SEPTIN6: variants seen among roughly 807,000 people sequenced by gnomAD.
The protein encoded by SEPTIN6 is septin-6.
A neutral mutation model predicts 33.6 loss-of-function variants in SEPTIN6; 8 were observed. That is an observed-to-expected ratio of 0.24 (90% CI 0.14 to 0.43). SEPTIN6 has a LOEUF of 0.43. Ranked by LOEUF, SEPTIN6 falls within the 20% of genes least tolerant of loss-of-function variation. SEPTIN6 has a pLI of 1.00. For missense variants in SEPTIN6, 250 were observed against 340.8 expected (o/e 0.73, Z 2.10); for synonymous variants, 131 against 140.0 (o/e 0.94, Z 0.45).
chrX:119,618,665 C>T lies in SEPTIN6; in HGVS notation c.*1428G>A. 1 of 1,176,066 alleles carries T rather than the reference C, an allele frequency of 8.5e-7. No homozygotes were observed. Among genetic ancestry groups the T allele is most frequent in the South Asian group, 2.0e-5 (1 of 50,491 alleles). On this transcript the variant is annotated 3_prime_UTR_variant, in exon 11 of 11. Transcript: ENST00000394610. ...TACATGGCAGGATAGGGGTGGGGGG[C>T]CTCGCTGCCTGGCACCCCAAAGGAA... is the stretch of plus-strand genomic sequence containing the variant.
chrX:119,682,118 T>C (rs2054971651), intron 1 of SEPTIN6, among the ~76,000 whole-genome samples: 2 of 111,512 alleles, frequency 1.8e-5, no homozygotes, highest in East Asian at 2.8e-4. Context: ...AGAAGCCCTG[T>C]AGATGTGTAT....
intron 10 of SEPTIN6, among the ~76,000 whole-genome samples, chrX:119,620,696 C>CTGCAACCTCCATCT (rs762795057): frequency 0.047 from 5,207 of 109,850 alleles, 149 homozygotes; most frequent in Non-Finnish European, 0.073. Context: ...TCTTGGCTCA[C>CTGCAACCTCCATCT]TGCAACCTCC....
At chrX:119,620,165 C>T in intron 10 of SEPTIN6, 114 bp from the exon 11 acceptor site, 1 of 593,924 alleles carries the variant, frequency 1.7e-6, no homozygotes, top group Non-Finnish European at 2.7e-6. Flanking sequence ...TAGAATATAG[C>T]TATGTTAGAT....
intron 10 of SEPTIN6, 50 bp from the exon 11 acceptor site, chrX:119,620,101 C>CAA: frequency 4.2e-5 from 32 of 768,038 alleles, no homozygotes; most frequent in Middle Eastern, 3.6e-4. Context: ...ATTAATGTAC[C>CAA]AAAAAAAAAA....
At chrX:119,650,689 T>C (rs1247613427) in intron 4 of SEPTIN6, among the ~76,000 whole-genome samples, 2 of 111,143 alleles carry the variant, frequency 1.8e-5, no homozygotes, top group Non-Finnish European at 3.8e-5. Context: ...ACATGAGAGA[T>C]GGCAGGGAAA....
intron 10 of SEPTIN6, chrX:119,623,935 A>G (rs2053812247): frequency 1.2e-5 from 2 of 170,646 alleles, no homozygotes; most frequent in Non-Finnish European, 2.4e-5. Flanking sequence ...AGTAGAGGAG[A>G]TAGAAGGTCC....
intron 2 of SEPTIN6, among the ~76,000 whole-genome samples, chrX:119,667,709 A>T (rs1342136009): frequency 1.8e-5 from 2 of 109,233 alleles, no homozygotes; most frequent in Non-Finnish European, 3.8e-5. Context: ...TGTGAGGGGG[A>T]GGCACACGTG....
downstream of SEPTIN6, chrX:119,616,806 T>A: frequency 1.1e-5 from 12 of 1,101,264 alleles, no homozygotes; most frequent in Non-Finnish European, 1.5e-5. Context: ...ACATTCAAAG[T>A]AAGACAGGGG....
intron 3 of SEPTIN6, among the ~76,000 whole-genome samples, chrX:119,663,227 A>G (rs1157093943): frequency 6.3e-5 from 7 of 111,868 alleles, no homozygotes; most frequent in Non-Finnish European, 1.3e-4. Context: ...TGTTTGCTGC[A>G]TGGAATTGAG....
At chrX:119,691,143 G>T (rs2055166031) in intron 1 of SEPTIN6, among the ~76,000 whole-genome samples, 1 of 111,543 alleles carries the variant, frequency 9.0e-6, no homozygotes, top group Non-Finnish European at 1.9e-5. Flanking sequence ...TGGCCCTAAA[G>T]CACCCCCTCA....
At chrX:119,675,747 G>A (rs953408955) in intron 1 of SEPTIN6, 79 bp from the exon 2 acceptor site, 21 of 563,565 alleles carry the variant, frequency 3.7e-5, no homozygotes, top group African/African-American at 2.7e-4. Context: ...CCAAATGTTC[G>A]CTGTGCAAGG....
chrX:119,678,494 G>T (rs1186413938), intron 1 of SEPTIN6, among the ~76,000 whole-genome samples: 1 of 108,417 alleles, frequency 9.2e-6, no homozygotes, highest in Non-Finnish European at 1.9e-5. Context: ...CACCCAGCCT[G>T]GGCGACAGAG....
At chrX:119,635,924 C>A (rs922951462) in intron 7 of SEPTIN6, among the ~76,000 whole-genome samples, 1 of 111,085 alleles carries the variant, frequency 9.0e-6, no homozygotes, top group Non-Finnish European at 1.9e-5. Context: ...GTGAAGAAGG[C>A]GAAGACACAG....
At position 119,675,601 on chromosome X, in the gene SEPTIN6, A is replaced by G; in HGVS notation, c.98T>C (p.Val33Ala). ...GAAGCCCTGGCTGACGGACTTATTC[A>G]CCAGCTGGTCAGGCAAGCTGTCAAA... The part of the protein sequence containing the change: ...VGFDSLPDQL[V>A]NKSVSQGFCF... The change falls in exon 2 of 11, where the codon GTG (valine) becomes GCG (alanine). Residue 33 changes from valine (V) to alanine (A), a missense_variant. Val to Ala is a moderately conservative substitution (Grantham distance 64). Around this residue, in one of 2 missense-constraint regions of SEPTIN6, gnomAD observed 111 missense variants for 113.8 expected, o/e 0.98. Coordinates refer to ENST00000394610, the MANE Select transcript of SEPTIN6 (RefSeq NM_145799.4). The G allele has an allele frequency of 8.5e-7, 1 of 1,172,166 alleles. No homozygotes were observed. Among genetic ancestry groups the G allele is most frequent in the Non-Finnish European group, 1.1e-6 (1 of 872,268 alleles).
intron 5 of SEPTIN6, among the ~76,000 whole-genome samples, chrX:119,643,727 T>G (rs7880203): frequency 0.24 from 26,519 of 110,591 alleles, 2,395 homozygotes; most frequent in South Asian, 0.3. Context: ...CTGGGATACA[T>G]GGAGGTTAAA....
At chrX:119,663,404 C>T (rs962139336) in intron 3 of SEPTIN6, 78 bp downstream of exon 3, 61 of 895,233 alleles carry the variant, frequency 6.8e-5, no homozygotes, top group Non-Finnish European at 8.9e-5. Context: ...GTGCTGTCTT[C>T]AAGATCTCTG....
intron 3 of SEPTIN6, among the ~76,000 whole-genome samples, chrX:119,656,828 G>A (rs1603341634): frequency 1.8e-5 from 2 of 111,623 alleles, no homozygotes; most frequent in African/African-American, 3.3e-5. Context: ...GGAGGTTGCG[G>A]TGAGCCAAGA....
chrX:119,667,811 G>A (rs983795010), intron 2 of SEPTIN6, among the ~76,000 whole-genome samples: 4 of 110,369 alleles, frequency 3.6e-5, no homozygotes, highest in East Asian at 2.8e-4. Flanking sequence ...GAGGAGTCCC[G>A]AGGGGTCAAT....
intron 2 of SEPTIN6, among the ~76,000 whole-genome samples, chrX:119,668,913 T>C (rs1223230765): frequency 9.0e-6 from 1 of 111,587 alleles, no homozygotes; most frequent in Non-Finnish European, 1.9e-5. Flanking sequence ...ACCCAATTTG[T>C]AGTCTTTTAT....
Sources: allele counts gnomAD v4.1 joint callset (sites outside exome capture counted in the v4.1 genomes callset), GRCh38; gene constraint gnomAD v4.1.1; regional missense constraint gnomAD v4.1.1; transcripts MANE v1.5; gene names NCBI Gene and HGNC (gene_info 2026-07-23, HGNC 2026-07-21).